MYO5B: variants seen among roughly 807,000 people sequenced by gnomAD.
MYO5B encodes the protein myosin VB.
MYO5B carries 143 observed loss-of-function variants against 229.3 expected under a neutral mutation model. The ratio of observed to expected loss-of-function variants is 0.62; its 90% CI spans 0.54 to 0.72. MYO5B has a LOEUF of 0.72. MYO5B is among the 30% of genes least tolerant of loss of function. The pLI is 0.00. For missense variants in MYO5B, 2,321 were observed against 2,331.0 expected (o/e 1.00, Z 0.09); for synonymous variants, 918 against 885.2 (o/e 1.04, Z -0.66).
intron 1 of MYO5B, among the ~76,000 whole-genome samples, chr18:50,136,352 GTTTTTTT>G (rs796793630): frequency 8.7e-6 from 1 of 114,646 alleles, no homozygotes; most frequent in Non-Finnish European, 1.8e-5. Flanking sequence ...TTTGTTTTTT[GTTTTTTT>G]TTTACTTTTT....
chr18:50,087,879 C>T (rs899975535), intron 1 of MYO5B, among the ~76,000 whole-genome samples: 16 of 152,024 alleles, frequency 1.1e-4, no homozygotes, highest in Admixed American at 3.3e-4. Context: ...CTCATGCTAA[C>T]GGGGAAGCAC....
intron 3 of MYO5B, among the ~76,000 whole-genome samples, chr18:50,038,726 A>G (rs751313658): frequency 6.6e-6 from 1 of 152,190 alleles, no homozygotes; most frequent in Non-Finnish European, 1.5e-5. Flanking sequence ...GTCAAGATGC[A>G]TTTGGATAAA....
chr18:49,926,412 A>T (rs1346204661), intron 17 of MYO5B, among the ~76,000 whole-genome samples: 1 of 152,258 alleles, frequency 6.6e-6, no homozygotes, highest in Non-Finnish European at 1.5e-5. Flanking sequence ...ACATCCCTCC[A>T]TTCCCACTTC....
At chr18:50,103,678 C>A (rs1359002388) in intron 1 of MYO5B, among the ~76,000 whole-genome samples, 1 of 152,090 alleles carries the variant, frequency 6.6e-6, no homozygotes, top group African/African-American at 2.4e-5. Flanking sequence ...CAGTTTGGGG[C>A]TGCAGTGAGC....
chr18:49,956,336 A>G (rs757460097), intron 12 of MYO5B, among the ~76,000 whole-genome samples: 6 of 152,238 alleles, frequency 3.9e-5, no homozygotes, highest in Non-Finnish European at 7.3e-5. Context: ...AGACAAGGAA[A>G]TGGAGACAGA....
intron 2 of MYO5B, among the ~76,000 whole-genome samples, chr18:50,044,984 T>C (rs2030181144): frequency 6.6e-6 from 1 of 152,146 alleles, no homozygotes; most frequent in African/African-American, 2.4e-5. Context: ...TAAATCCATA[T>C]TTTACATGTG....
intron 4 of MYO5B, among the ~76,000 whole-genome samples, chr18:50,022,055 C>T (rs1382535219): frequency 1.3e-5 from 2 of 152,134 alleles, no homozygotes; most frequent in African/African-American, 2.4e-5. Context: ...CAGATTAACT[C>T]TTTGATTTTC....
rs2024368115 is a variant in MYO5B at position 49,864,240 on chromosome 18, C to T, written c.3744G>A (p.Lys1248=). The T allele has an allele frequency of 1.2e-6, 2 of 1,614,108 alleles. No homozygotes were observed. The highest frequency in any genetic ancestry group is 1.3e-5 in the African/African-American group (1 of 75,068). ...GCACCTCGAGCTCCTCGTGGGCCAG[C>T]TTGAGCTGGTTCAGCAGGAGGCTGT... ...DSYSLLLNQL[K]LAHEELEVRK... The change falls in exon 28 of 40, where the codon AAG becomes AAA. Residue 1248 remains lysine, a synonymous_variant. Transcript: ENST00000285039.
chr18:49,980,637 T>A (rs2025804263), intron 8 of MYO5B, 84 bp from the exon 9 acceptor site: 1 of 1,032,348 alleles, frequency 9.7e-7, no homozygotes. Context: ...GACATTTTTT[T>A]TTTTAATAAG....
chr18:50,188,385 T>C (rs993843275), intron 1 of MYO5B, among the ~76,000 whole-genome samples: 1 of 152,222 alleles, frequency 6.6e-6, no homozygotes. Context: ...GAGGAGTATG[T>C]GCACTCCTCT....
chr18:50,194,002 T>C (rs2033263701), intron 1 of MYO5B, among the ~76,000 whole-genome samples: 1 of 152,176 alleles, frequency 6.6e-6, no homozygotes, highest in South Asian at 2.1e-4. Context: ...GAAGGCATCC[T>C]GAAACTCACA....
In MYO5B at chr18:49,971,763, T is replaced by C. The variant is rs184984987; in HGVS notation, c.1322+2587A>G. On this transcript the variant is annotated intron_variant, in intron 10 of 39. Transcript: ENST00000285039. ...CACAGCTAGCTTGTTCACTCTGAAT[T>C]CCCTTGTATCTAACTTGTTATCCTT... Among the ~76,000 whole-genome samples the C allele has an allele frequency of 3.3e-5, 5 of 152,328 alleles. No individual in the cohort carries two copies. The East Asian group carries it at 9.6e-4, about 29-fold the overall frequency.
chr18:50,059,197 T>C (rs115918299), intron 1 of MYO5B, among the ~76,000 whole-genome samples: 2,298 of 152,326 alleles, frequency 0.015, 52 homozygotes, highest in African/African-American at 0.052. Flanking sequence ...ATGCTGAGTA[T>C]AGGAATCAGT....
chr18:50,106,849 A>G (rs534687978), intron 1 of MYO5B, among the ~76,000 whole-genome samples: 1 of 152,296 alleles, frequency 6.6e-6, no homozygotes, highest in South Asian at 2.1e-4. Flanking sequence ...CCGATAGATA[A>G]TTTGTGCCTT....
chr18:50,025,012 C>A (rs1223060107), intron 4 of MYO5B, among the ~76,000 whole-genome samples: 6 of 152,294 alleles, frequency 3.9e-5, no homozygotes, highest in Non-Finnish European at 5.9e-5. Context: ...ATTCAGTGTT[C>A]ATGAGGTCGG....
intron 17 of MYO5B, among the ~76,000 whole-genome samples, chr18:49,927,154 A>G (rs72627203): frequency 0.12 from 18,535 of 152,242 alleles, 1,373 homozygotes; most frequent in East Asian, 0.27. Context: ...AGTGGCTAAG[A>G]TGGTAACCAA....
chr18:50,108,554 C>T (rs529038794), intron 1 of MYO5B, among the ~76,000 whole-genome samples: 1 of 152,138 alleles, frequency 6.6e-6, no homozygotes, highest in Admixed American at 6.5e-5. Context: ...GTACCCAGAG[C>T]AGAAACAGGC....
intron 20 of MYO5B, among the ~76,000 whole-genome samples, chr18:49,903,455 T>G (rs2024866483): frequency 6.6e-6 from 1 of 152,180 alleles, no homozygotes; most frequent in African/African-American, 2.4e-5. Flanking sequence ...TGCTCACTCT[T>G]TGCACATGCT....
intron 4 of MYO5B, among the ~76,000 whole-genome samples, chr18:50,014,864 G>T (rs1278422335): frequency 6.6e-6 from 1 of 152,228 alleles, no homozygotes; most frequent in Non-Finnish European, 1.5e-5. Flanking sequence ...GTAACTAAGT[G>T]TAAGAAAAGT....
Sources: allele counts gnomAD v4.1 joint callset (sites outside exome capture counted in the v4.1 genomes callset), GRCh38; gene constraint gnomAD v4.1.1; transcripts MANE v1.5; gene names NCBI Gene and HGNC (gene_info 2026-07-23, HGNC 2026-07-21).